Variants in PGR observed in about 807,000 individuals in gnomAD.
The protein encoded by PGR is progesterone receptor, also known as nuclear receptor subfamily 3 group C member 3.
A neutral mutation model predicts 76.1 loss-of-function variants in PGR; 25 were observed. That is an observed-to-expected ratio of 0.33 (90% CI 0.24 to 0.46). The LOEUF (loss-of-function observed/expected upper bound fraction) is 0.46. Among genes scored for constraint, PGR ranks in the 20% least tolerant of loss-of-function variants. The pLI is 1.00. For missense variants in PGR, 1,172 were observed against 1,225.3 expected (o/e 0.96, Z 0.65); for synonymous variants, 579 against 535.0 (o/e 1.08, Z -1.14).
At position 101,037,556 on chromosome 11, in the gene PGR, T is replaced by C. The variant is rs1266703394; in HGVS notation, c.*1560A>G. On this transcript the variant is annotated 3_prime_UTR_variant, in exon 8 of 8. Transcript: ENST00000325455. ...ATTTTGCTTAGGGAGAGAAATAATA[T>C]TCCATTCATTCAGTTTAAAAACTTA... 8.8e-6 allele frequency: 2 copies of C among 227,978 alleles called. No homozygotes were observed. The highest frequency in any genetic ancestry group is 1.7e-5 in the Non-Finnish European group (2 of 114,836). 14.1% of individuals were successfully genotyped at this position (227,978 alleles called of 1,614,324 possible).
At chr11:101,047,447 T>C (rs545312312) in intron 6 of PGR, among the ~76,000 whole-genome samples, 31 of 152,170 alleles carry the variant, frequency 2.0e-4, no homozygotes, top group Non-Finnish European at 4.0e-4. Context: ...GTTCAATTGA[T>C]GCTCTGTCAC....
intron 2 of PGR, among the ~76,000 whole-genome samples, chr11:101,101,145 TAATAA>T (rs1261378816): frequency 1.3e-5 from 2 of 152,208 alleles, no homozygotes; most frequent in African/African-American, 4.8e-5. Flanking sequence ...TACTGAGGGC[TAATAA>T]AATTGTGTTT....
intron 3 of PGR, among the ~76,000 whole-genome samples, chr11:101,077,457 CA>C (rs1861165433): frequency 6.6e-6 from 1 of 152,002 alleles, no homozygotes; most frequent in Non-Finnish European, 1.5e-5. Flanking sequence ...AGGTATTTTC[CA>C]AAAACCAAAA....
intron 5 of PGR, chr11:101,050,889 A>G (rs35774596): frequency 2.6e-4 from 52 of 201,574 alleles, no homozygotes; most frequent in African/African-American, 9.7e-4. Context: ...AAAGACTTAT[A>G]TAAGTGTGAG....
intron 3 of PGR, among the ~76,000 whole-genome samples, chr11:101,085,417 G>A (rs1416329663): frequency 6.7e-6 from 1 of 149,226 alleles, no homozygotes; most frequent in Admixed American, 6.7e-5. Flanking sequence ...CAAAATCTCT[G>A]GAATGTAGCA....
chr11:101,062,777 T>C (rs1408009451), intron 3 of PGR, 25 bp from the exon 4 acceptor site: 1 of 1,530,340 alleles, frequency 6.5e-7, no homozygotes, highest in Non-Finnish European at 9.0e-7. Flanking sequence ...AAAAAGAAAT[T>C]CATGTAAATA....
At chr11:101,055,562 T>G (rs1173683016) in intron 4 of PGR, among the ~76,000 whole-genome samples, 1 of 152,054 alleles carries the variant, frequency 6.6e-6, no homozygotes, top group Non-Finnish European at 1.5e-5. Context: ...ACTTTATAAC[T>G]TTCTAAAAAA....
chr11:101,088,809 C>T (rs903935313), intron 3 of PGR, among the ~76,000 whole-genome samples: 1 of 152,080 alleles, frequency 6.6e-6, no homozygotes, highest in African/African-American at 2.4e-5. Flanking sequence ...GTGGATTGGA[C>T]AAAGAAAATG....
rs373131829 is a variant in PGR, at chr11:101,101,900, C to A, written c.1790-10024G>T. 7.1e-4 allele frequency among the ~76,000 whole-genome samples: 108 copies of A among 152,204 alleles called. 2 individuals are homozygous for A. The South Asian group carries it at 0.021, about 29-fold the overall frequency. On this transcript the variant is annotated intron_variant, in intron 2 of 7. Transcript: ENST00000325455. ...GAGAGAATTCACGTATACAGAAGCTCTTTGGGCTTGTAGCAATTTTTAAGC... is the reference window on the plus strand; with the variant it reads ...GAGAGAATTCACGTATACAGAAGCTATTTGGGCTTGTAGCAATTTTTAAGC...
At chr11:101,053,685 T>C (rs1403227175) in intron 4 of PGR, among the ~76,000 whole-genome samples, 2 of 149,032 alleles carry the variant, frequency 1.3e-5, no homozygotes, top group African/African-American at 5.0e-5. Context: ...TCTCCCTCCT[T>C]TCTTCTCTCA....
chr11:101,053,552 C>T (rs563588235), intron 4 of PGR, among the ~76,000 whole-genome samples: 2 of 116,628 alleles, frequency 1.7e-5, no homozygotes, highest in East Asian at 5.9e-4. Context: ...TCCCTTTCTT[C>T]CCTCCCCTTC....
intron 2 of PGR, among the ~76,000 whole-genome samples, chr11:101,106,656 G>C (rs565296082): frequency 6.6e-6 from 1 of 152,296 alleles, no homozygotes; most frequent in African/African-American, 2.4e-5. Flanking sequence ...AGACAGTGCA[G>C]CAATTCCTCA....
Position 101,092,561 on chromosome 11 carries a change from C to T in PGR, c.1790-685G>A, listed in dbSNP as rs533251470. On this transcript the variant is annotated intron_variant, in intron 2 of 7. Transcript: ENST00000325455. ...AAACTTTATAGAAGTATAGACAATA[C>T]ACATCGCACATCACCCTGGGGTCAC... Among the ~76,000 whole-genome samples the T allele has an allele frequency of 7.2e-5, 11 of 152,258 alleles. No individual in the cohort carries two copies. In the South Asian group the frequency reaches 2.3e-3, roughly 32 times the overall value.
intron 2 of PGR, among the ~76,000 whole-genome samples, chr11:101,118,334 T>C (rs547639189): frequency 4.5e-4 from 68 of 152,218 alleles, no homozygotes; most frequent in Non-Finnish European, 7.3e-4. Flanking sequence ...ATGATAACCA[T>C]TATTTTTACC....
chr11:101,114,433 AATTAT>A (rs1014893382), intron 2 of PGR, among the ~76,000 whole-genome samples: 1 of 152,208 alleles, frequency 6.6e-6, no homozygotes, highest in African/African-American at 2.4e-5. Context: ...TGTGCACAAA[AATTAT>A]ATTATTTCAA....
At position 101,031,350 on chromosome 11, in the gene PGR, C is replaced by G. The variant is rs529023034; in HGVS notation, c.*7766G>C. 4.5e-6 allele frequency: 1 copy of G among 223,310 alleles called. No homozygotes were observed. Among genetic ancestry groups the G allele is most frequent in the African/African-American group, 2.2e-5 (1 of 44,854 alleles). 13.8% of individuals were successfully genotyped at this position (223,310 alleles called of 1,614,324 possible). A position where few individuals can be genotyped will look rare whatever the true frequency, so the allele number is the denominator to read the frequency against. On this transcript the variant is annotated 3_prime_UTR_variant, in exon 8 of 8. Transcript: ENST00000325455. The stretch of plus-strand genomic sequence containing the variant: ...GGAGAAAGAAACCTCCTTCCCACAG[C>G]TACCATGTACATACAGTAAGCTTCT...
intron 2 of PGR, among the ~76,000 whole-genome samples, chr11:101,107,397 T>C (rs971360430): frequency 1.3e-5 from 2 of 152,182 alleles, no homozygotes; most frequent in African/African-American, 4.8e-5. Context: ...TATTCACATA[T>C]CTTCTAACTT....
At chr11:101,065,805 C>T (rs960194296) in intron 3 of PGR, among the ~76,000 whole-genome samples, 2 of 151,342 alleles carry the variant, frequency 1.3e-5, no homozygotes, top group African/African-American at 2.4e-5. Flanking sequence ...GATAAGAAAG[C>T]GGATGGACAT....
intron 3 of PGR, among the ~76,000 whole-genome samples, chr11:101,064,330 T>C (rs1466998658): frequency 1.6e-3 from 24 of 15,070 alleles, no homozygotes; most frequent in African/African-American, 6.0e-3. Flanking sequence ...AAACTCCACC[T>C]CAAAAAAAAA....
Sources: allele counts gnomAD v4.1 joint callset (sites outside exome capture counted in the v4.1 genomes callset), GRCh38; gene constraint gnomAD v4.1.1; transcripts MANE v1.5; gene names NCBI Gene and HGNC (gene_info 2026-07-23, HGNC 2026-07-21).